The following SMAP2 variants were observed in gnomAD, a reference collection of about 807,000 sequenced individuals.
SMAP2 encodes the protein small ArfGAP2, also known as stromal membrane-associated protein 2.
In SMAP2, 25 loss-of-function variants were observed where a neutral mutation model predicts 56.4. The observed-to-expected ratio is 0.44, with a 90% CI of 0.32 to 0.62. The LOEUF is 0.62. Ranked by LOEUF, SMAP2 falls within the 20% of genes least tolerant of loss-of-function variation. The probability of loss-of-function intolerance (pLI) is 0.04; values close to 1 mark genes in which losing one functional copy is unlikely to be tolerated. For missense variants in SMAP2, 388 were observed against 545.6 expected (o/e 0.71, Z 2.88); for synonymous variants, 157 against 181.7 (o/e 0.86, Z 1.09).
chr1:40,392,054 C>T (rs999438690), intron 1 of SMAP2, among the ~76,000 whole-genome samples: 7 of 151,948 alleles, frequency 4.6e-5, no homozygotes, highest in Non-Finnish European at 8.8e-5. Flanking sequence ...AGCAGTCCCT[C>T]CCTGCACACC....
intron 2 of SMAP2, chr1:40,364,809 C>T (rs1407914959): frequency 6.5e-6 from 1 of 154,092 alleles, no homozygotes; most frequent in African/African-American, 2.4e-5. Flanking sequence ...TGCTGAAAAG[C>T]TCAATAAGAA....
chr1:40,382,452 G>A (rs1217871280), intron 1 of SMAP2, among the ~76,000 whole-genome samples: 1 of 152,150 alleles, frequency 6.6e-6, no homozygotes, highest in African/African-American at 2.4e-5. Context: ...CATAAAACAT[G>A]CATATGCTTT....
intron 1 of SMAP2, chr1:40,344,958 TTTTC>T (rs71796467): frequency 0.21 from 32,228 of 150,272 alleles, 3,697 homozygotes; most frequent in African/African-American, 0.29. Flanking sequence ...CTTTTTTTTC[TTTTC>T]TTTCTTTCTT....
At chr1:40,347,218 GTGTGTGTGTT>G (rs1644390034) in intron 1 of SMAP2, among the ~76,000 whole-genome samples, 1 of 142,930 alleles carries the variant, frequency 7.0e-6, no homozygotes, top group East Asian at 2.0e-4. Context: ...ATTTGTGTGT[GTGTGTGTGTT>G]TGTGTGTGTG....
chr1:40,388,796 A>G (rs1427985023), intron 1 of SMAP2, among the ~76,000 whole-genome samples: 10 of 152,200 alleles, frequency 6.6e-5, no homozygotes, highest in Non-Finnish European at 8.8e-5. Flanking sequence ...GCTCTTTGCA[A>G]TAAATCTTAC....
chr1:40,414,134 T>G, intron 5 of SMAP2, 25 bp from the exon 6 acceptor site: 1 of 1,611,060 alleles, frequency 6.2e-7, no homozygotes, highest in South Asian at 1.1e-5. Flanking sequence ...TGCTTATTTC[T>G]TGCTATAACA....
At chr1:40,383,133 G>A (rs1259822644) in intron 1 of SMAP2, among the ~76,000 whole-genome samples, 2 of 152,188 alleles carry the variant, frequency 1.3e-5, no homozygotes, top group Non-Finnish European at 2.9e-5. Flanking sequence ...AACAGGGGCT[G>A]GTGAGGCACC....
chr1:40,401,884 A>G (rs1644838075), intron 1 of SMAP2, among the ~76,000 whole-genome samples: 1 of 152,220 alleles, frequency 6.6e-6, no homozygotes, highest in African/African-American at 2.4e-5. Flanking sequence ...GATCAACCAA[A>G]TCCATCTCCA....
intron 1 of SMAP2, among the ~76,000 whole-genome samples, chr1:40,351,458 A>G (rs1644408530): frequency 6.6e-6 from 1 of 152,180 alleles, no homozygotes; most frequent in Non-Finnish European, 1.5e-5. Context: ...ACAGAATACA[A>G]TGATTAACTC....
chr1:40,390,959 G>C (rs984289854), intron 1 of SMAP2, among the ~76,000 whole-genome samples: 1 of 152,008 alleles, frequency 6.6e-6, no homozygotes, highest in Non-Finnish European at 1.5e-5. Flanking sequence ...CTTAAAAATG[G>C]TTCCTCTAGA....
At chr1:40,410,950 A>G (rs1644930049) in intron 4 of SMAP2, among the ~76,000 whole-genome samples, 1 of 152,170 alleles carries the variant, frequency 6.6e-6, no homozygotes, top group Non-Finnish European at 1.5e-5. Flanking sequence ...GGTCCTACCT[A>G]TCTATCATCT....
intron 1 of SMAP2, among the ~76,000 whole-genome samples, chr1:40,361,647 C>A (rs1360593515): frequency 1.3e-5 from 2 of 152,098 alleles, no homozygotes; most frequent in Non-Finnish European, 2.9e-5. Context: ...CACAAGCTGA[C>A]CAAAGAGCCC....
rs1450500880 is a variant in SMAP2, at chr1:40,422,150, C to T, written c.*49C>T. On this transcript the variant is annotated 3_prime_UTR_variant, in exon 10 of 10. Coordinates refer to ENST00000372718, the MANE Select transcript of SMAP2 (RefSeq NM_022733.3). ...CATTCTCTTCAGCCCTCGCTCTCCC[C>T]TTTCCACAGCCTCCACCCCTGACCC... 6.2e-7 allele frequency: 1 copy of T among 1,607,258 alleles called. No individual in the cohort carries two copies. The highest frequency in any genetic ancestry group is 1.1e-5 in the South Asian group (1 of 90,450).
chr1:40,371,150 C>T (rs528724843), upstream of SMAP2, among the ~76,000 whole-genome samples: 69 of 151,554 alleles, frequency 4.6e-4, no homozygotes, highest in Admixed American at 1.2e-3. Flanking sequence ...TCCAGCCTGG[C>T]GACAGAGCGA....
intron 1 of SMAP2, among the ~76,000 whole-genome samples, chr1:40,347,227 T>TG (rs1644390135): frequency 2.4e-5 from 3 of 124,716 alleles, no homozygotes; most frequent in African/African-American, 1.1e-4. Context: ...TGTGTGTGTG[T>TG]TTGTGTGTGT....
chr1:40,350,105 G>A (rs1182401275), intron 1 of SMAP2, among the ~76,000 whole-genome samples: 1 of 152,164 alleles, frequency 6.6e-6, no homozygotes, highest in Admixed American at 6.5e-5. Context: ...AAGCTATGGA[G>A]TAGCTGCCCA....
intron 1 of SMAP2, among the ~76,000 whole-genome samples, chr1:40,352,467 A>G (rs1288870507): frequency 6.6e-6 from 1 of 151,878 alleles, no homozygotes; most frequent in Non-Finnish European, 1.5e-5. Context: ...AGAGTTCGTC[A>G]CTTCTTTCTC....
Position 40,408,609 on chromosome 1 carries a change from T to C in SMAP2, c.238-44T>C, listed in dbSNP as rs764334349. The C allele has an allele frequency of 6.5e-7, 1 of 1,549,058 alleles. No individual in the cohort carries two copies. Among genetic ancestry groups the C allele is most frequent in the East Asian group, 2.2e-5 (1 of 44,572 alleles). On this transcript the variant is annotated intron_variant, in intron 2 of 9. Transcript: ENST00000372718. The surrounding 1 kb of genome is among the most constrained non-coding windows in gnomAD (Gnocchi z 4.3). ...TTGGGTGAGAAGTTTTTCAGTTCTT[T>C]CTTGATCTGACGTTCCATGTTTCTA...
chr1:40,345,243 A>T (rs569969524), intron 1 of SMAP2, among the ~76,000 whole-genome samples: 332 of 152,192 alleles, frequency 2.2e-3, no homozygotes, highest in African/African-American at 7.3e-3. Context: ...TCTCTACAAA[A>T]AATTAAAAAA....
Sources: allele counts gnomAD v4.1 joint callset (sites outside exome capture counted in the v4.1 genomes callset), GRCh38; gene constraint gnomAD v4.1.1; non-coding constraint Gnocchi (gnomAD v3.1); transcripts MANE v1.5; gene names NCBI Gene and HGNC (gene_info 2026-07-23, HGNC 2026-07-21).